PHLDA3: variants seen among roughly 807,000 people sequenced by gnomAD.
The protein encoded by PHLDA3 is pleckstrin homology like domain family A member 3.
Under a neutral mutation model 7.6 loss-of-function variants are expected in PHLDA3, and 12 were observed. The observed-to-expected ratio is 1.58, with a 90% confidence interval of 1.01 to 2.55. PHLDA3 has a LOEUF of 2.55. Ranked by LOEUF, PHLDA3 falls within the 30% of genes most tolerant of loss-of-function variation. The pLI is 0.00. For missense variants in PHLDA3, 177 were observed against 175.6 expected, an observed-to-expected ratio of 1.01 and a Z score of -0.05; for synonymous variants, 104 against 85.1, an observed-to-expected ratio of 1.22 and a Z score of -1.23.
Position 201,468,474 on chromosome 1 carries a change from A to C in PHLDA3, c.313T>G (p.Phe105Val). The C allele has an allele frequency of 1.9e-6, 3 of 1,614,048 alleles. No homozygotes were observed. The highest frequency in any genetic ancestry group is 2.5e-6 in the Non-Finnish European group (3 of 1,179,992). The change falls in exon 1 of 2, where the codon TTC becomes GTC. Residue 105 changes from phenylalanine to valine, a missense_variant. Phe to Val is a conservative substitution (Grantham distance 50). Coordinates refer to ENST00000367311, the MANE Select transcript of PHLDA3 (RefSeq NM_012396.5). ...NAQITLGLVK[F>V]KNQQAIQTVR... ...GTCTGGATGGCCTGCTGGTTCTTGA[A>C]CTTGACCAGGCCTAGGGTGATCTGG... is the stretch of plus-strand genomic sequence containing the variant.
chr1:201,468,520 C>T lies in PHLDA3; in HGVS notation c.267G>A (p.Leu89=). The T allele has an allele frequency of 1.2e-6, 2 of 1,614,168 alleles. No individual in the cohort carries two copies. Among genetic ancestry groups the T allele is most frequent in the Non-Finnish European group, 1.7e-6 (2 of 1,180,028 alleles). Residue 89 remains leucine (L), a synonymous_variant, in exon 1 of 2, where the codon CTG becomes CTA. Coordinates refer to ENST00000367311, the MANE Select transcript of PHLDA3 (RefSeq NM_012396.5). ...GGGEIDFRCP[L]EDPGWNAQIT... ...TCTGGGCGTTCCAGCCGGGATCTTC[C>T]AGGGGGCAGCGGAAGTCGATCTCGC...
chr1:201,467,786 C>T (rs528241268), intron 1 of PHLDA3, among the ~76,000 whole-genome samples: 27 of 152,322 alleles, frequency 1.8e-4, no homozygotes, highest in African/African-American at 6.0e-4. Context: ...GACTCCTTGG[C>T]TCTATTTGCA....
At position 201,465,564 on chromosome 1, in the gene PHLDA3, CT is replaced by C. The variant is rs1215443121; in HGVS notation, c.*676del. On this transcript the variant is annotated 3_prime_UTR_variant, in exon 2 of 2. Transcript: ENST00000367311. ...TGAAATGCTAATGGCCAAACCCCCC[CT>C]CACCCCCACCACCTTCAGGCCGAAC... 3.2e-5 allele frequency: 5 copies of C among 155,020 alleles called. No homozygotes were observed. The highest frequency in any genetic ancestry group is 1.2e-4 in the African/African-American group (5 of 41,538). The allele number at this position is 155,020 out of a possible 1,614,324, so 9.6% of individuals were successfully genotyped here. A position where few individuals can be genotyped will look rare whatever the true frequency, so the allele number is the denominator to read the frequency against.
In PHLDA3 at chr1:201,468,436, C is replaced by T. The variant is rs752650825; in HGVS notation, c.351G>A (p.Arg117=). Residue 117 remains arginine (R), a synonymous_variant, in exon 1 of 2, where the codon CGG becomes CGA. Transcript: ENST00000367311. The part of the protein sequence containing the change: ...NQQAIQTVRA[R]QSLGTGTLVS ...CGAGGGTCCCGGTCCCGAGGCTCTG[C>T]CGGGCCCGCACTGTCTGGATGGCCT... 6.2e-7 allele frequency: 1 copy of T among 1,613,976 alleles called. No homozygotes were observed. The highest frequency in any genetic ancestry group is 1.7e-5 in the Admixed American group (1 of 59,992).
rs1401674708 is a variant in PHLDA3, at chr1:201,465,334, T to C, written c.*907A>G. On this transcript the variant is annotated 3_prime_UTR_variant, in exon 2 of 2. Transcript: ENST00000367311. ...TCGGTCCAGAATCTATGGGCCCTCCTTCCTAGGACCACCAAGGCCCTGTCT... is the reference window on the plus strand; with the variant it reads ...TCGGTCCAGAATCTATGGGCCCTCCCTCCTAGGACCACCAAGGCCCTGTCT... 1 of 152,498 alleles carries C rather than the reference T, an allele frequency of 6.6e-6. No individual in the cohort carries two copies. Among genetic ancestry groups the C allele is most frequent in the Non-Finnish European group, 1.5e-5 (1 of 68,064 alleles). The allele number at this position is 152,498 out of a possible 1,614,324, so 9.4% of individuals were successfully genotyped here.
chr1:201,467,473 T>C (rs1163633896), intron 1 of PHLDA3: 1 of 152,176 alleles, frequency 6.6e-6, no homozygotes, highest in African/African-American at 2.4e-5. Flanking sequence ...TAGCAGGGTG[T>C]GGTGGCAGGC....
chr1:201,468,277 C>T, intron 1 of PHLDA3, 64 bp downstream of exon 1: 1 of 1,119,740 alleles, frequency 8.9e-7, no homozygotes, highest in Non-Finnish European at 1.3e-6. Context: ...AGTCCTCATT[C>T]TCTCTGTAGG....
At position 201,468,732 on chromosome 1, in the gene PHLDA3, T is replaced by A; in HGVS notation, c.55A>T (p.Ser19Cys). ...TTCCACAGCTGCAGCAGCCCGCCGC[T>A]GCGCTTCTCCAGCACGCCCTCCTTG... ...VLKEGVLEKRSGGLLQLWKRK... is the reference protein window; with the variant it reads ...VLKEGVLEKRCGGLLQLWKRK... The change falls in exon 1 of 2, where the codon AGC becomes TGC. Residue 19 changes from serine (S) to cysteine (C), a missense_variant. Coordinates refer to ENST00000367311, the MANE Select transcript of PHLDA3 (RefSeq NM_012396.5). 1 of 1,600,552 alleles carries A rather than the reference T, an allele frequency of 6.2e-7. No individual in the cohort carries two copies. The highest frequency in any genetic ancestry group is 8.5e-7 in the Non-Finnish European group (1 of 1,177,638).
intron 1 of PHLDA3, 52 bp downstream of exon 1, chr1:201,468,289 G>A (rs896343983): frequency 1.7e-6 from 2 of 1,187,710 alleles, no homozygotes; most frequent in African/African-American, 1.5e-5. Context: ...CTCTGTAGGG[G>A]AAAGAGAAGG....
Position 201,468,893 on chromosome 1 carries a change from T to C in PHLDA3, c.-107A>G, listed in dbSNP as rs1663754905. 8.1e-7 allele frequency: 1 copy of C among 1,241,554 alleles called. No homozygotes were observed. The highest frequency in any genetic ancestry group is 1.8e-5 in the South Asian group (1 of 54,202). The allele number at this position is 1,241,554 out of a possible 1,614,324, so 76.9% of individuals were successfully genotyped here. ...CCCCGGGCTGGCAGGCCGTGCGCGCTGCCCACCTGCGCCCTGACTGCTCCG... is the reference window on the plus strand; with the variant it reads ...CCCCGGGCTGGCAGGCCGTGCGCGCCGCCCACCTGCGCCCTGACTGCTCCG... On this transcript the variant is annotated 5_prime_UTR_variant, in exon 1 of 2. Coordinates refer to ENST00000367311, the MANE Select transcript of PHLDA3 (RefSeq NM_012396.5).
At chr1:201,467,736 T>C (rs914196651) in intron 1 of PHLDA3, among the ~76,000 whole-genome samples, 1 of 151,512 alleles carries the variant, frequency 6.6e-6, no homozygotes, top group South Asian at 2.1e-4. Flanking sequence ...GGCGGCCCAC[T>C]GAGGCCCCAC....
At chr1:201,468,297 A>C in intron 1 of PHLDA3, 44 bp downstream of exon 1, 1 of 1,224,478 alleles carries the variant, frequency 8.2e-7, no homozygotes, top group African/African-American at 1.5e-5. Context: ...GGGAAAGAGA[A>C]GGGAGGGAAG....
In PHLDA3 at chr1:201,469,070, T is replaced by G; in HGVS notation, c.-284A>C. Reference sequence around the variant, plus strand: ...GCCCGACCCGCCTCTGCCAGATGCCTCCGCGCCTCCCTAGGCCGTGAGCCC... The same window carrying G: ...GCCCGACCCGCCTCTGCCAGATGCCGCCGCGCCTCCCTAGGCCGTGAGCCC... On this transcript the variant is annotated 5_prime_UTR_variant, in exon 1 of 2. Coordinates refer to ENST00000367311, the MANE Select transcript of PHLDA3 (RefSeq NM_012396.5). 2.8e-6 allele frequency: 1 copy of G among 353,684 alleles called. No homozygotes were observed. The highest frequency in any genetic ancestry group is 5.0e-6 in the Non-Finnish European group (1 of 199,922). The allele number at this position is 353,684 out of a possible 1,614,324, so 21.9% of individuals were successfully genotyped here.
chr1:201,468,896 C>T lies in PHLDA3; in HGVS notation c.-110G>A. ...CGGGCTGGCAGGCCGTGCGCGCTGC[C>T]CACCTGCGCCCTGACTGCTCCGCGC... On this transcript the variant is annotated 5_prime_UTR_variant, in exon 1 of 2. Coordinates refer to ENST00000367311, the MANE Select transcript of PHLDA3 (RefSeq NM_012396.5). 1 of 1,210,050 alleles carries T rather than the reference C, an allele frequency of 8.3e-7. No homozygotes were observed. The highest frequency in any genetic ancestry group is 4.2e-5 in the Admixed American group (1 of 24,094). 75.0% of individuals were successfully genotyped at this position (1,210,050 alleles called of 1,614,324 possible). A position where few individuals can be genotyped will look rare whatever the true frequency, so the allele number is the denominator to read the frequency against.
chr1:201,468,520 C>G lies in PHLDA3; in HGVS notation c.267G>C (p.Leu89=). The change falls in exon 1 of 2, where the codon CTG becomes CTC. Residue 89 remains leucine (L), a synonymous_variant. Coordinates refer to ENST00000367311, the MANE Select transcript of PHLDA3 (RefSeq NM_012396.5). ...GGGEIDFRCP[L]EDPGWNAQIT... Reference sequence around the variant, plus strand: ...TCTGGGCGTTCCAGCCGGGATCTTCCAGGGGGCAGCGGAAGTCGATCTCGC... The same window carrying G: ...TCTGGGCGTTCCAGCCGGGATCTTCGAGGGGGCAGCGGAAGTCGATCTCGC... 1.2e-6 allele frequency: 2 copies of G among 1,614,168 alleles called. No homozygotes were observed. The highest frequency in any genetic ancestry group is 1.7e-6 in the Non-Finnish European group (2 of 1,180,028).
At chr1:201,466,890 G>C (rs1310677099) in intron 1 of PHLDA3, among the ~76,000 whole-genome samples, 1 of 152,058 alleles carries the variant, frequency 6.6e-6, no homozygotes, top group Non-Finnish European at 1.5e-5. Context: ...GGCCTGACTG[G>C]CACTCAGGGG....
In PHLDA3 at chr1:201,465,271, G is replaced by C. The variant is rs1180225478; in HGVS notation, c.*970C>G. On this transcript the variant is annotated 3_prime_UTR_variant, in exon 2 of 2. Transcript: ENST00000367311. ...GGGCAGGGTAGCCTCCTGTAGAAGAGACATTCATAGGGACTGAACTGACCA... is the reference window on the plus strand; with the variant it reads ...GGGCAGGGTAGCCTCCTGTAGAAGACACATTCATAGGGACTGAACTGACCA... The C allele has an allele frequency of 6.6e-6, 1 of 152,210 alleles. No homozygotes were observed. Among genetic ancestry groups the C allele is most frequent in the African/African-American group, 2.4e-5 (1 of 41,430 alleles). The allele number at this position is 152,210 out of a possible 1,614,324, so 9.4% of individuals were successfully genotyped here. A position where few individuals can be genotyped will look rare whatever the true frequency, so the allele number is the denominator to read the frequency against.
chr1:201,468,958 A>AC lies in PHLDA3; in HGVS notation c.-173_-172insG, dbSNP rs1663756783. On this transcript the variant is annotated 5_prime_UTR_variant, in exon 1 of 2. Coordinates refer to ENST00000367311, the MANE Select transcript of PHLDA3 (RefSeq NM_012396.5). ...GGCCCTCAGCACCCGGCTGCCGGTG[A>AC]GGTGGTGTCGGTGCCCCCAGCGCGC... 2 of 602,026 alleles carry AC rather than the reference A, an allele frequency of 3.3e-6. No homozygotes were observed. The highest frequency in any genetic ancestry group is 4.8e-6 in the Non-Finnish European group (2 of 415,412). 37.3% of individuals were successfully genotyped at this position (602,026 alleles called of 1,614,324 possible).
intron 1 of PHLDA3, among the ~76,000 whole-genome samples, chr1:201,467,764 C>T (rs1377508886): frequency 6.6e-6 from 1 of 152,204 alleles, no homozygotes; most frequent in Non-Finnish European, 1.5e-5. Flanking sequence ...TGAGGCCCCA[C>T]CTTGGGAGCC....
Sources: gnomAD v4.1 joint callset for allele counts (sites outside exome capture counted in the v4.1 genomes callset) on GRCh38, gnomAD v4.1.1 for gene constraint, MANE v1.5 for transcripts, NCBI Gene and HGNC (gene_info 2026-07-23, HGNC 2026-07-21) for gene names.